E2F4: variants seen among roughly 807,000 people sequenced by gnomAD.
The protein encoded by E2F4 is transcription factor E2F4.
A neutral mutation model predicts 44.5 loss-of-function variants in E2F4; 16 were observed. The observed-to-expected ratio is 0.36, with a 90% confidence interval of 0.24 to 0.55. The LOEUF (loss-of-function observed/expected upper bound fraction) is 0.55, where lower values mean the gene tolerates loss of function less well. E2F4 is among the 20% of genes least tolerant of loss of function. E2F4 has a pLI of 0.87. For synonymous variants in E2F4, 242 were observed against 207.2 expected (o/e 1.17, Z -1.44); for missense variants, 473 against 522.1 (o/e 0.91, Z 0.92).
At chr16:67,195,602 TC>T in intron 6 of E2F4, 179 bp from the exon 7 acceptor site, 1 of 1,315,218 alleles carries the variant, frequency 7.6e-7, no homozygotes, top group Non-Finnish European at 1.0e-6. Context: ...AGGTCTTGTG[TC>T]CCTGTCTCCT....
chr16:67,192,901 T>C (rs1228208415), intron 2 of E2F4, 31 bp downstream of exon 2: 1 of 1,587,428 alleles, frequency 6.3e-7, no homozygotes, highest in Admixed American at 1.8e-5. Context: ...GGTAGTAGAG[T>C]CTCCCACCCA....
Position 67,194,718 on chromosome 16 carries a change from C to T in E2F4, c.546C>T (p.His182=), listed in dbSNP as rs747276875. 5 of 1,613,932 alleles carry T rather than the reference C, an allele frequency of 3.1e-6. No homozygotes were observed. Among genetic ancestry groups the T allele is most frequent in the South Asian group, 1.1e-5 (1 of 91,090 alleles). ...ATGGGCAGAAGAAGTACCAGATTCA[C>T]CTGAAGAGTGTGAGTGGTCCCATTG... ...GLNGQKKYQI[H]LKSVSGPIEV... Residue 182 remains histidine, a synonymous_variant, in exon 6 of 10, where the codon CAC becomes CAT. Transcript: ENST00000379378.
At position 67,192,743 on chromosome 16, in the gene E2F4, C is replaced by G. The variant is rs770986442; in HGVS notation, c.136-18C>G. 16 of 1,599,138 alleles carry G rather than the reference C, an allele frequency of 1.0e-5. No homozygotes were observed. Among genetic ancestry groups the G allele is most frequent in the Non-Finnish European group, 1.3e-5 (15 of 1,171,570 alleles). On this transcript the variant is annotated intron_variant, in intron 1 of 9. Coordinates refer to ENST00000379378, the MANE Select transcript of E2F4 (RefSeq NM_001950.4). ...ACACCCCAGAGTGGGGCTGAGCATT[C>G]TCCATTCTCTCTGCCAGGCAGCTGA... is the stretch of plus-strand genomic sequence containing the variant.
At chr16:67,193,625 C>T in intron 4 of E2F4, 110 bp downstream of exon 4, 1 of 1,240,666 alleles carries the variant, frequency 8.1e-7, no homozygotes, top group African/African-American at 1.5e-5. Context: ...GTTTCTGGGG[C>T]CTGCTCAGAG....
At chr16:67,197,490 A>G in intron 7 of E2F4, 109 bp from the exon 8 acceptor site, 1 of 1,115,886 alleles carries the variant, frequency 9.0e-7, no homozygotes, top group Non-Finnish European at 1.3e-6. Flanking sequence ...ACATCTCCTT[A>G]GCTGTGTGGA....
intron 7 of E2F4, 38 bp from the exon 8 acceptor site, chr16:67,197,561 G>C: frequency 6.2e-7 from 1 of 1,612,686 alleles, no homozygotes; most frequent in Non-Finnish European, 8.5e-7. Flanking sequence ...GGCCAGGCTG[G>C]ACCTCTGTGC....
chr16:67,197,393 C>T (rs1360628279), intron 7 of E2F4, among the ~76,000 whole-genome samples: 1 of 152,106 alleles, frequency 6.6e-6, no homozygotes, highest in Admixed American at 6.5e-5. Flanking sequence ...TTGCAGGGGG[C>T]CTTTGGTACC....
Position 67,198,418 on chromosome 16 carries a change from G to A in E2F4, c.*295G>A, listed in dbSNP as rs1241028017. The A allele has an allele frequency of 3.2e-5, 13 of 403,926 alleles. No homozygotes were observed. Among genetic ancestry groups the A allele is most frequent in the Non-Finnish European group, 5.1e-5 (11 of 217,530 alleles). 25.0% of individuals were successfully genotyped at this position (403,926 alleles called of 1,614,324 possible). A position where few individuals can be genotyped will look rare whatever the true frequency, so the allele number is the denominator to read the frequency against. On this transcript the variant is annotated 3_prime_UTR_variant, in exon 10 of 10. Transcript: ENST00000379378. Reference sequence around the variant, plus strand: ...GGCTGCCACCCAGTGGCACAGAACCGAGGAGCTGCCATTACCCCCCATAGG... The same window carrying A: ...GGCTGCCACCCAGTGGCACAGAACCAAGGAGCTGCCATTACCCCCCATAGG...
chr16:67,195,519 T>C, intron 6 of E2F4: 1 of 606,280 alleles, frequency 1.6e-6, no homozygotes, highest in Non-Finnish European at 2.8e-6. Context: ...CATCCACTGG[T>C]GTCTCAATTG....
At chr16:67,192,683 C>G in intron 1 of E2F4, 78 bp from the exon 2 acceptor site, 2 of 1,376,244 alleles carry the variant, frequency 1.5e-6, no homozygotes, top group East Asian at 2.5e-5. Flanking sequence ...CCAGATTACT[C>G]CCTTCCCAGA....
chr16:67,192,682 T>C, intron 1 of E2F4, 79 bp from the exon 2 acceptor site: 2 of 1,367,420 alleles, frequency 1.5e-6, no homozygotes, highest in East Asian at 2.5e-5. Flanking sequence ...TCCAGATTAC[T>C]CCCTTCCCAG....
chr16:67,192,639 C>T (rs1001271906), intron 1 of E2F4, 122 bp from the exon 2 acceptor site: 6 of 1,027,404 alleles, frequency 5.8e-6, no homozygotes, highest in Non-Finnish European at 7.2e-6. Flanking sequence ...TCCTGAGCTG[C>T]AGTAGCGCCT....
chr16:67,194,517 C>T, intron 5 of E2F4, 58 bp downstream of exon 5: 1 of 1,606,784 alleles, frequency 6.2e-7, no homozygotes, highest in Admixed American at 1.7e-5. Flanking sequence ...GCTGTGGAGC[C>T]TGATAAGTCC....
In E2F4 at chr16:67,192,330, G is replaced by A; in HGVS notation, c.103G>A (p.Glu35Lys). Residue 35 changes from glutamate to lysine, a missense_variant, in exon 1 of 10, where the codon GAG (glutamate) becomes AAG (lysine). Transcript: ENST00000379378. ...LTTKFVSLLQEAKDGVLDLKL... is the reference protein window; with the variant it reads ...LTTKFVSLLQKAKDGVLDLKL... The stretch of plus-strand genomic sequence containing the variant: ...CACCAAGTTCGTGTCCCTTCTGCAG[G>A]AGGCCAAGGACGGCGTGCTTGACCT... 1 of 1,430,926 alleles carries A rather than the reference G, an allele frequency of 7.0e-7. No homozygotes were observed. Among genetic ancestry groups the A allele is most frequent in the Non-Finnish European group, 9.2e-7 (1 of 1,090,132 alleles). The allele number at this position is 1,430,926 out of a possible 1,614,324, so 88.6% of individuals were successfully genotyped here.
At chr16:67,196,349 T>TCAGGTTGCAGCAGTCACCCCC (rs1250920123) in intron 7 of E2F4, among the ~76,000 whole-genome samples, 1 of 152,170 alleles carries the variant, frequency 6.6e-6, no homozygotes. Context: ...TAGTCACCTT[T>TCAGGTTGCAGCAGTCACCCCC]CAGGTTGCAG....
Position 67,198,241 on chromosome 16 carries a change from G to A in E2F4, c.*118G>A, listed in dbSNP as rs548304709. 67 of 859,620 alleles carry A rather than the reference G, an allele frequency of 7.8e-5. No individual in the cohort carries two copies. In the African/African-American group the frequency reaches 9.2e-4, roughly 12 times the overall value. The allele number at this position is 859,620 out of a possible 1,614,324, so 53.2% of individuals were successfully genotyped here. A position where few individuals can be genotyped will look rare whatever the true frequency, so the allele number is the denominator to read the frequency against. Reference sequence around the variant, plus strand: ...AGAGCCACAGACGCCTGGCTTCTCCGGCCTCCCCTCACCGCACAGTTCTGG... The same window carrying A: ...AGAGCCACAGACGCCTGGCTTCTCCAGCCTCCCCTCACCGCACAGTTCTGG... On this transcript the variant is annotated 3_prime_UTR_variant, in exon 10 of 10. Coordinates refer to ENST00000379378, the MANE Select transcript of E2F4 (RefSeq NM_001950.4).
At chr16:67,197,845 A>T in intron 8 of E2F4, 22 bp from the exon 9 acceptor site, 1 of 1,613,960 alleles carries the variant, frequency 6.2e-7, no homozygotes. Context: ...AATGTTAGTA[A>T]CTGAGCTCCC....
In E2F4 at chr16:67,198,486, C is replaced by T. The variant is rs1036879125; in HGVS notation, c.*363C>T. 3.9e-5 allele frequency: 10 copies of T among 257,966 alleles called. No individual in the cohort carries two copies. The highest frequency in any genetic ancestry group is 7.6e-5 in the Non-Finnish European group (10 of 131,110). The allele number at this position is 257,966 out of a possible 1,614,324, so 16.0% of individuals were successfully genotyped here. ...TGCCAGCCTCAGTGTCTTGCTTCTG[C>T]CAGCTCCTTCCCCTAGGAGGGAAGG... On this transcript the variant is annotated 3_prime_UTR_variant, in exon 10 of 10. Coordinates refer to ENST00000379378, the MANE Select transcript of E2F4 (RefSeq NM_001950.4).
chr16:67,196,882 C>T (rs1455822111), intron 7 of E2F4, among the ~76,000 whole-genome samples: 1 of 152,202 alleles, frequency 6.6e-6, no homozygotes, highest in East Asian at 1.9e-4. Flanking sequence ...TGCCAGCTAA[C>T]TGAGGTCTGT....
Sources: gnomAD v4.1 joint callset for allele counts (sites outside exome capture counted in the v4.1 genomes callset) on GRCh38, gnomAD v4.1.1 for gene constraint, MANE v1.5 for transcripts, NCBI Gene and HGNC (gene_info 2026-07-23, HGNC 2026-07-21) for gene names.